MAP2: variants seen among roughly 807,000 people sequenced by gnomAD.
The protein encoded by MAP2 is microtubule associated protein 2.
In MAP2, 14 loss-of-function variants were observed where a neutral mutation model predicts 137.6. The ratio of observed to expected loss-of-function variants is 0.10; its 90% CI spans 0.07 to 0.16. The LOEUF (loss-of-function observed/expected upper bound fraction) is 0.16. Among genes scored for constraint, MAP2 ranks in the 10% least tolerant of loss-of-function variants. MAP2 has a pLI of 1.00. For missense variants in MAP2, 2,088 were observed against 2,191.5 expected (o/e 0.95, Z 0.94); for synonymous variants, 786 against 782.3 (o/e 1.00, Z -0.08).
intron 3 of MAP2, among the ~76,000 whole-genome samples, chr2:209,594,888 G>C (rs561420896): frequency 3.0e-4 from 46 of 152,240 alleles, no homozygotes; most frequent in African/African-American, 1.0e-3. Context: ...GAATATAAAT[G>C]TCAACTGTCT....
chr2:209,488,956 C>T (rs2058734993), intron 1 of MAP2, among the ~76,000 whole-genome samples: 2 of 152,326 alleles, frequency 1.3e-5, no homozygotes, highest in South Asian at 4.1e-4. Context: ...CAGACTGCCT[C>T]CTCAAGTGGG....
intron 1 of MAP2, among the ~76,000 whole-genome samples, chr2:209,486,523 A>G (rs2058405434): frequency 6.6e-6 from 1 of 152,120 alleles, no homozygotes; most frequent in African/African-American, 2.4e-5. Context: ...CACCCAGCCT[A>G]GGGAAAACTT....
At chr2:209,567,126 A>G (rs1258890950) in intron 2 of MAP2, among the ~76,000 whole-genome samples, 2 of 152,140 alleles carry the variant, frequency 1.3e-5, no homozygotes, top group African/African-American at 4.8e-5. Context: ...ACTACATACA[A>G]TGATCTCAGT....
In MAP2 at chr2:209,694,495, T is replaced by G; in HGVS notation, c.2325T>G (p.Thr775=). 4 of 1,614,090 alleles carry G rather than the reference T, an allele frequency of 2.5e-6. No individual in the cohort carries two copies. Among genetic ancestry groups the G allele is most frequent in the Non-Finnish European group, 3.4e-6 (4 of 1,179,986 alleles). ...EEEQIEKVKA[T]GEESTQAEIS... is the part of the protein sequence containing the mutation. ...AACAGATAGAGAAAGTAAAAGCTAC[T>G]GGAGAAGAAAGTACTCAAGCGGAGA... The change falls in exon 8 of 16, where the codon ACT becomes ACG. Residue 775 remains threonine (T), a synonymous_variant. Transcript: ENST00000682079.
At chr2:209,689,292 T>G (rs976911364) in intron 7 of MAP2, among the ~76,000 whole-genome samples, 1 of 146,154 alleles carries the variant, frequency 6.8e-6, no homozygotes, top group African/African-American at 2.7e-5. Context: ...AAGAGATTGA[T>G]AATGTAGATT....
intron 1 of MAP2, among the ~76,000 whole-genome samples, chr2:209,448,343 G>A (rs976395067): frequency 6.6e-6 from 1 of 152,134 alleles, no homozygotes; most frequent in Non-Finnish European, 1.5e-5. Context: ...CCCTAAAGCT[G>A]GCAGCCAATC....
chr2:209,590,407 C>T (rs2078939879), intron 3 of MAP2, among the ~76,000 whole-genome samples: 1 of 152,134 alleles, frequency 6.6e-6, no homozygotes, highest in Admixed American at 6.5e-5. Context: ...GCAATCTCGG[C>T]TCACCGCAAC....
At chr2:209,469,231 T>C (rs1044589036) in intron 1 of MAP2, among the ~76,000 whole-genome samples, 3 of 152,194 alleles carry the variant, frequency 2.0e-5, no homozygotes, top group African/African-American at 7.2e-5. Context: ...CTTCTTAGTC[T>C]CAGGCCATAA....
chr2:209,626,057 C>T (rs2092263690), intron 4 of MAP2, among the ~76,000 whole-genome samples: 1 of 152,026 alleles, frequency 6.6e-6, no homozygotes, highest in African/African-American at 2.4e-5. Flanking sequence ...CAGCAGTATT[C>T]ACTTTCTTGT....
At chr2:209,522,284 T>C (rs763719649) in intron 2 of MAP2, among the ~76,000 whole-genome samples, 3 of 152,088 alleles carry the variant, frequency 2.0e-5, no homozygotes, top group Non-Finnish European at 4.4e-5. Flanking sequence ...GCCCTGTAAA[T>C]ATGGCTAATG....
intron 3 of MAP2, among the ~76,000 whole-genome samples, chr2:209,593,638 T>A (rs796215391): frequency 0.35 from 5,169 of 14,650 alleles, 1,004 homozygotes; most frequent in Non-Finnish European, 0.45. Flanking sequence ...AAAAAAAATA[T>A]ATATATATAT....
chr2:209,508,422 T>TA (rs1044917175), intron 2 of MAP2, among the ~76,000 whole-genome samples: 21 of 152,080 alleles, frequency 1.4e-4, no homozygotes, highest in African/African-American at 5.1e-4. Flanking sequence ...CATTTGCCCT[T>TA]ACACTAATCA....
At chr2:209,492,346 A>G (rs761570404) in intron 1 of MAP2, among the ~76,000 whole-genome samples, 9 of 152,218 alleles carry the variant, frequency 5.9e-5, no homozygotes, top group Non-Finnish European at 8.8e-5. Flanking sequence ...CTGAATGGGC[A>G]AAAGCTGGAA....
At chr2:209,575,400 A>G (rs926914297) in intron 2 of MAP2, among the ~76,000 whole-genome samples, 1 of 150,674 alleles carries the variant, frequency 6.6e-6, no homozygotes, top group African/African-American at 2.4e-5. Flanking sequence ...GGGTGCCTGT[A>G]GTCCCAGCTA....
chr2:209,698,736 A>G (rs2060942486), intron 10 of MAP2, among the ~76,000 whole-genome samples: 1 of 152,236 alleles, frequency 6.6e-6, no homozygotes, highest in Admixed American at 6.5e-5. Context: ...ACATACCTCA[A>G]TTCATTTTCT....
chr2:209,680,708 G>T (rs1229392423), intron 6 of MAP2, 42 bp from the exon 7 acceptor site: 1 of 1,528,962 alleles, frequency 6.5e-7, no homozygotes, highest in South Asian at 1.1e-5. Flanking sequence ...AGCCTAAAAG[G>T]ATTAATTATT....
At chr2:209,532,351 A>G (rs917914298) in intron 2 of MAP2, among the ~76,000 whole-genome samples, 4 of 152,132 alleles carry the variant, frequency 2.6e-5, no homozygotes, top group African/African-American at 4.8e-5. Flanking sequence ...ACTCTTCTTC[A>G]TCATCCTCAT....
intron 1 of MAP2, among the ~76,000 whole-genome samples, chr2:209,500,186 C>G (rs1576416189): frequency 6.6e-6 from 1 of 152,296 alleles, no homozygotes; most frequent in East Asian, 1.9e-4. Context: ...CCTAATTATG[C>G]CATTCTTGAA....
rs540442947 is a variant in MAP2, at chr2:209,664,060, A to T, written c.262+10628A>T. Among the ~76,000 whole-genome samples, 3 of 152,354 alleles carry T rather than the reference A, an allele frequency of 2.0e-5. No homozygotes were observed. In the South Asian group the frequency reaches 6.2e-4, roughly 32 times the overall value. On this transcript the variant is annotated intron_variant, in intron 5 of 15. Coordinates refer to ENST00000682079, the MANE Select transcript of MAP2 (RefSeq NM_001375505.1). ...CTGAACACCCCCAAGTACCATGTTT[A>T]TATCTTGCTAATACAATTGATCATA...
Sources: gnomAD v4.1 joint callset for allele counts (sites outside exome capture counted in the v4.1 genomes callset) on GRCh38, gnomAD v4.1.1 for gene constraint, MANE v1.5 for transcripts, NCBI Gene and HGNC (gene_info 2026-07-23, HGNC 2026-07-21) for gene names.